The following GEMIN8 variants were observed in gnomAD, a reference collection of about 807,000 sequenced individuals.
The protein encoded by GEMIN8 is gem-associated protein 8.
For missense variants in GEMIN8, 185 were observed against 205.9 expected, an observed-to-expected ratio of 0.90 and a Z score of 0.62; for synonymous variants, 80 against 78.5, an observed-to-expected ratio of 1.02 and a Z score of -0.10.
chrX:13,997,005 C>T, the GEMIN8 span, among the ~76,000 whole-genome samples: 1 of 96,266 alleles, frequency 1.0e-5, no homozygotes. Flanking sequence ...GGCGATATCT[C>T]GGCTCAGCTC....
At chrX:13,994,213 C>T in the GEMIN8 span, among the ~76,000 whole-genome samples, 1 of 111,979 alleles carries the variant, frequency 8.9e-6, no homozygotes, top group South Asian at 3.7e-4. Context: ...CTGAGAACCT[C>T]GCAAGCTGGC....
the GEMIN8 span, among the ~76,000 whole-genome samples, chrX:13,995,128 G>A: frequency 9.0e-6 from 1 of 111,596 alleles, no homozygotes; most frequent in East Asian, 2.8e-4. Flanking sequence ...TTCTCTTCTT[G>A]AATTTGTTAG....
chrX:14,003,948 G>T (rs144151958), downstream of GEMIN8, among the ~76,000 whole-genome samples: 74 of 111,679 alleles, frequency 6.6e-4, 1 homozygote, highest in African/African-American at 2.2e-3. Flanking sequence ...AAACTTAGGG[G>T]CCTCCATCAA....
At chrX:14,002,323 G>A (rs1922996325), downstream of GEMIN8, among the ~76,000 whole-genome samples, 1 of 88,891 alleles carries the variant, frequency 1.1e-5, no homozygotes, top group African/African-American at 4.6e-5. Flanking sequence ...GAGATAGATA[G>A]ATAGGTGATA....
chrX:14,021,537 A>T (rs977962341), intron 2 of GEMIN8, 26 bp from the exon 3 acceptor site: 11 of 1,095,020 alleles, frequency 1.0e-5, no homozygotes, highest in Middle Eastern at 2.5e-4. Flanking sequence ...CACAGTGCAA[A>T]CGTCTGATCA....
At chrX:13,986,847 T>C in the GEMIN8 span, among the ~76,000 whole-genome samples, 1 of 112,305 alleles carries the variant, frequency 8.9e-6, no homozygotes, top group East Asian at 2.8e-4. Flanking sequence ...GTACCTTCCA[T>C]ATGTTGTTCC....
intron 4 of GEMIN8, among the ~76,000 whole-genome samples, chrX:14,011,572 G>C (rs940295284): frequency 1.0e-5 from 1 of 96,559 alleles, no homozygotes; most frequent in Admixed American, 1.2e-4. Flanking sequence ...GATCCCACAG[G>C]TGGGTTTGCT....
rs367686706 is a variant in GEMIN8 at position 14,008,779 on chromosome X, GC to G, written c.*133del. 10 of 602,077 alleles carry G rather than the reference GC, an allele frequency of 1.7e-5. No individual in the cohort carries two copies. The highest frequency in any genetic ancestry group is 1.6e-4 in the African/African-American group (7 of 44,240). The allele number at this position is 602,077 out of a possible 1,213,427, so 49.6% of individuals were successfully genotyped here. On this transcript the variant is annotated 3_prime_UTR_variant, in exon 5 of 5. Coordinates refer to ENST00000680255, the MANE Select transcript of GEMIN8 (RefSeq NM_001042479.2). Reference sequence around the variant, plus strand: ...GCATAGTACATCCACCCCGTGACAGGCCCACTGGGACTGTGGTGAACATGCC... The same window carrying G: ...GCATAGTACATCCACCCCGTGACAGGCCACTGGGACTGTGGTGAACATGCC...
rs201588323 is a variant in GEMIN8, at chrX:14,009,091, C to T, written c.551G>A (p.Arg184Gln). 21 of 1,210,479 alleles carry T rather than the reference C, an allele frequency of 1.7e-5. No individual in the cohort carries two copies. The East Asian group carries it at 2.1e-4, about 12-fold the overall frequency. ...ADHDLYCNTR[R>Q]SVEAPTERPG... ...CCTCTCAGTTGGGGCTTCTACCGAC[C>T]GGCGGGTGTTGCAGTACAGGTCGTG... Residue 184 changes from arginine (R) to glutamine (Q), a missense_variant, in exon 5 of 5, where the codon CGG becomes CAG. Coordinates refer to ENST00000680255, the MANE Select transcript of GEMIN8 (RefSeq NM_001042479.2).
Position 14,020,258 on chromosome X carries a change from G to T in GEMIN8, c.292C>A (p.Gln98Lys). 1 of 1,211,140 alleles carries T rather than the reference G, an allele frequency of 8.3e-7. No homozygotes were observed. The highest frequency in any genetic ancestry group is 1.1e-6 in the Non-Finnish European group (1 of 894,831). Residue 98 changes from glutamine (Q) to lysine (K), a missense_variant, in exon 4 of 5, where the codon CAG becomes AAG. Gln to Lys is a moderately conservative substitution (Grantham distance 53, BLOSUM62 1). Coordinates refer to ENST00000680255, the MANE Select transcript of GEMIN8 (RefSeq NM_001042479.2). ...ATCCTACTGCTGTAACGTGGATGCTGCCCAGATCTTCTGAAATGTGAAGAA... is the reference window on the plus strand; with the variant it reads ...ATCCTACTGCTGTAACGTGGATGCTTCCCAGATCTTCTGAAATGTGAAGAA... Reference protein sequence around the residue: ...CSSSHFRRSGQHPRYSSRIQA... With the variant: ...CSSSHFRRSGKHPRYSSRIQA...
At chrX:14,012,995 T>G (rs906992870) in intron 4 of GEMIN8, among the ~76,000 whole-genome samples, 1 of 112,218 alleles carries the variant, frequency 8.9e-6, no homozygotes, top group African/African-American at 3.2e-5. Flanking sequence ...TAAAACCAAA[T>G]AACTGCAGAC....
At chrX:14,013,062 T>C (rs1923671359) in intron 4 of GEMIN8, among the ~76,000 whole-genome samples, 1 of 112,630 alleles carries the variant, frequency 8.9e-6, no homozygotes, top group Non-Finnish European at 1.9e-5. Context: ...GTGTACTGAC[T>C]TAGGGGACCA....
rs1018232759 is a variant in GEMIN8, at chrX:14,018,014, C to G, written c.472+2064G>C. On this transcript the variant is annotated intron_variant, in intron 4 of 4. Coordinates refer to ENST00000680255, the MANE Select transcript of GEMIN8 (RefSeq NM_001042479.2). The stretch of plus-strand genomic sequence containing the variant: ...AAGCTTATCAAGTTTATAATGCACA[C>G]AAGGCCTAGCTCATTCTGTAAAATG... Among the ~76,000 whole-genome samples the G allele has an allele frequency of 1.2e-3, 133 of 112,487 alleles. 1 individual carries two copies. The highest frequency in any genetic ancestry group is 7.5e-4 in the Non-Finnish European group (40 of 53,282).
chrX:14,014,071 T>C (rs1923745785), intron 4 of GEMIN8: 2 of 747,817 alleles, frequency 2.7e-6, no homozygotes, highest in South Asian at 1.4e-4. Flanking sequence ...GAATCTTATA[T>C]AGCAGGAAAA....
At chrX:14,017,084 C>A (rs767316999) in intron 4 of GEMIN8, among the ~76,000 whole-genome samples, 1 of 107,991 alleles carries the variant, frequency 9.3e-6, no homozygotes, top group Non-Finnish European at 1.9e-5. Context: ...TTCACAATTA[C>A]TACCCATTAG....
rs1569349302 is a variant in GEMIN8 at position 14,009,056 on chromosome X, G to A, written c.586C>T (p.Arg196Trp). Residue 196 changes from arginine (R) to tryptophan (W), a missense_variant, in exon 5 of 5, where the codon CGG (arginine) becomes TGG (tryptophan). Coordinates refer to ENST00000680255, the MANE Select transcript of GEMIN8 (RefSeq NM_001042479.2). ...AAACGCTTCATCTCGGCCTGGCGCC[G>A]CTCACCAGGCCTCTCAGTTGGGGCT... is the stretch of plus-strand genomic sequence containing the variant. ...VEAPTERPGE[R>W]RQAEMKRLYG... The A allele has an allele frequency of 2.5e-6, 3 of 1,211,545 alleles. No individual in the cohort carries two copies. Among genetic ancestry groups the A allele is most frequent in the Non-Finnish European group, 3.4e-6 (3 of 895,039 alleles).
At chrX:14,027,093 C>A (rs558821067) in intron 1 of GEMIN8, 1 of 112,874 alleles carries the variant, frequency 8.9e-6, no homozygotes, top group South Asian at 3.6e-4. Flanking sequence ...GAGTCATATG[C>A]GGTTCCAAGG....
At chrX:13,992,617 C>T in the GEMIN8 span, among the ~76,000 whole-genome samples, 1 of 111,182 alleles carries the variant, frequency 9.0e-6, no homozygotes, top group Non-Finnish European at 1.9e-5. Flanking sequence ...GCTGATGTTA[C>T]TGGTCTAGGG....
At chrX:13,994,832 C>T in the GEMIN8 span, among the ~76,000 whole-genome samples, 32 of 112,466 alleles carry the variant, frequency 2.8e-4, no homozygotes, top group African/African-American at 8.4e-4. Flanking sequence ...AGAAATACTA[C>T]AAACCACACG....
Sources: allele counts gnomAD v4.1 joint callset (sites outside exome capture counted in the v4.1 genomes callset), GRCh38; gene constraint gnomAD v4.1.1; transcripts MANE v1.5; gene names NCBI Gene and HGNC (gene_info 2026-07-23, HGNC 2026-07-21).